The following HTT variants were observed in gnomAD, a reference collection of about 807,000 sequenced individuals.
HTT encodes the protein huntingtin.
A neutral mutation model predicts 362.3 loss-of-function variants in HTT; 104 were observed. The ratio of observed to expected loss-of-function variants is 0.29; its 90% CI spans 0.24 to 0.34. HTT has a LOEUF of 0.34. Among genes scored for constraint, HTT ranks in the 10% least tolerant of loss-of-function variants. The pLI, the probability that HTT is intolerant of heterozygous loss-of-function variation, is 1.00. For synonymous variants in HTT, 1,577 were observed against 1,548.7 expected (o/e 1.02, Z -0.43); for missense variants, 3,301 against 3,928.6 (o/e 0.84, Z 4.27).
intron 64 of HTT, 108 bp from the exon 65 acceptor site, chr4:3,238,339 T>C (rs1721640295): frequency 2.5e-6 from 2 of 795,562 alleles, no homozygotes; most frequent in African/African-American, 3.6e-5. Flanking sequence ...CTCCCAGCCC[T>C]GATTTCACAT....
At chr4:3,123,845 A>G (rs1467830854) in intron 10 of HTT, among the ~76,000 whole-genome samples, 2 of 152,232 alleles carry the variant, frequency 1.3e-5, no homozygotes, top group African/African-American at 4.8e-5. Context: ...GGTACACATT[A>G]TCTTTTGCAA....
intron 2 of HTT, among the ~76,000 whole-genome samples, chr4:3,093,929 T>TTTA (rs869247181): frequency 1.6e-5 from 2 of 128,280 alleles, no homozygotes; most frequent in African/African-American, 3.0e-5. Flanking sequence ...TTTTTTTTTT[T>TTTA]AGTATTTATT....
intron 1 of HTT, among the ~76,000 whole-genome samples, chr4:3,078,736 T>TA (rs1491358886): frequency 8.3e-6 from 1 of 121,008 alleles, no homozygotes; most frequent in Non-Finnish European, 1.7e-5. Context: ...GCCTGGGTAA[T>TA]TTTTTTTTTT....
intron 26 of HTT, 138 bp from the exon 27 acceptor site, chr4:3,154,155 G>T: frequency 1.5e-6 from 1 of 650,482 alleles, no homozygotes; most frequent in East Asian, 2.8e-5. Context: ...TACATATCAG[G>T]GTCCAAGAAC....
chr4:3,092,191 T>G (rs978487507), intron 2 of HTT, among the ~76,000 whole-genome samples: 17 of 151,880 alleles, frequency 1.1e-4, no homozygotes, highest in African/African-American at 3.6e-4. Flanking sequence ...CCCGGCTAAT[T>G]TTTTGTATTT....
At chr4:3,109,883 C>T (rs1463722029) in intron 6 of HTT, among the ~76,000 whole-genome samples, 6 of 151,838 alleles carry the variant, frequency 4.0e-5, no homozygotes, top group South Asian at 2.1e-4. Flanking sequence ...GTGCTGGGGA[C>T]GGGGGGGCCA....
At chr4:3,209,706 G>A (rs938289578) in intron 46 of HTT, 121 bp from the exon 47 acceptor site, 63 of 1,228,898 alleles carry the variant, frequency 5.1e-5, no homozygotes, top group Non-Finnish European at 6.4e-5. Context: ...CCTGCCGGCC[G>A]GCAGCCCTCT....
chr4:3,131,779 T>A lies in HTT; in HGVS notation c.2236+4T>A. 1 of 1,608,780 alleles carries A rather than the reference T, an allele frequency of 6.2e-7. No individual in the cohort carries two copies. Among genetic ancestry groups the A allele is most frequent in the Non-Finnish European group, 8.5e-7 (1 of 1,177,484 alleles). Reference sequence around the variant, plus strand: ...CTTGACACCACGGAATACCCTGGTATGTTAAAAGTTCACATCTTATTTTCT... The same window carrying A: ...CTTGACACCACGGAATACCCTGGTAAGTTAAAAGTTCACATCTTATTTTCT... On this transcript the variant is annotated splice_donor_region_variant and intron_variant, in intron 16 of 66. Coordinates refer to ENST00000355072, the MANE Select transcript of HTT (RefSeq NM_001388492.1).
Position 3,242,129 on chromosome 4 carries a change from C to T in HTT, c.*2070C>T, listed in dbSNP as rs1271262619. On this transcript the variant is annotated 3_prime_UTR_variant, in exon 67 of 67. Coordinates refer to ENST00000355072, the MANE Select transcript of HTT (RefSeq NM_001388492.1). ...GCAGTATCACAGGCCAGATGTTGTT[C>T]CTGGCTAGATGTTTACATTTGTAAG... 6.6e-6 allele frequency: 1 copy of T among 152,140 alleles called. No individual in the cohort carries two copies. Among genetic ancestry groups the T allele is most frequent in the African/African-American group, 2.4e-5 (1 of 41,404 alleles). 9.4% of individuals were successfully genotyped at this position (152,140 alleles called of 1,614,324 possible). A position where few individuals can be genotyped will look rare whatever the true frequency, so the allele number is the denominator to read the frequency against.
chr4:3,084,402 G>T (rs114377182), intron 1 of HTT, among the ~76,000 whole-genome samples: 3,079 of 152,054 alleles, frequency 0.02, 79 homozygotes, highest in African/African-American at 0.059. Context: ...AAAACATCAA[G>T]ATCAGGTCGG....
rs1332655393 is a variant in HTT at position 3,199,988 on chromosome 4, C to T, written c.5576+49C>T. Reference sequence around the variant, plus strand: ...CCAGGGCGCCAGCCCAGCACCCTGTCCTGAGACTCCCAGTAACCTGAGCTT... The same window carrying T: ...CCAGGGCGCCAGCCCAGCACCCTGTTCTGAGACTCCCAGTAACCTGAGCTT... On this transcript the variant is annotated intron_variant, in intron 41 of 66. Transcript: ENST00000355072. 7 of 1,477,802 alleles carry T rather than the reference C, an allele frequency of 4.7e-6. No individual in the cohort carries two copies. In the East Asian group the frequency reaches 9.5e-5, roughly 20 times the overall value. The allele number at this position is 1,477,802 out of a possible 1,614,324, so 91.5% of individuals were successfully genotyped here. A position where few individuals can be genotyped will look rare whatever the true frequency, so the allele number is the denominator to read the frequency against.
At position 3,207,362 on chromosome 4, in the gene HTT, T is replaced by C; in HGVS notation, c.6152+5T>C. The C allele has an allele frequency of 6.2e-7, 1 of 1,609,238 alleles. No individual in the cohort carries two copies. The highest frequency in any genetic ancestry group is 8.5e-7 in the Non-Finnish European group (1 of 1,177,066). ...GAGCAGCGGGCTCGCTCAGAGGTAA[T>C]GCTGGAAACACAGGTCGTCCTTGTG... On this transcript the variant is annotated splice_donor_5th_base_variant and intron_variant, in intron 45 of 66. Transcript: ENST00000355072.
intron 29 of HTT, among the ~76,000 whole-genome samples, chr4:3,166,737 C>T (rs919816777): frequency 6.6e-5 from 10 of 152,238 alleles, no homozygotes; most frequent in South Asian, 2.1e-4. Flanking sequence ...GCGTGGGACC[C>T]GCTGAGCCAG....
chr4:3,127,367 G>GCA lies in HTT; in HGVS notation c.1512_1513dup (p.Leu505HisfsTer14). On this transcript the variant is annotated frameshift_variant, in exon 12 of 67. Coordinates refer to ENST00000355072, the MANE Select transcript of HTT (RefSeq NM_001388492.1). LOFTEE classifies it high-confidence loss of function. ...TCATCACAGAACAGCCACGGTCACAGCACACACTGCAGGCGGACTCAGTGG... is the reference window on the plus strand; with the variant it reads ...TCATCACAGAACAGCCACGGTCACAGCACACACACTGCAGGCGGACTCAGTGG... 1 of 1,614,190 alleles carries GCA rather than the reference G, an allele frequency of 6.2e-7. No individual in the cohort carries two copies. Among genetic ancestry groups the GCA allele is most frequent in the South Asian group, 1.1e-5 (1 of 91,078 alleles).
chr4:3,154,205 A>G (rs1449294329), intron 26 of HTT, 88 bp from the exon 27 acceptor site: 1 of 1,147,060 alleles, frequency 8.7e-7, no homozygotes, highest in Non-Finnish European at 1.2e-6. Context: ...AATAAATGGT[A>G]AAACCAAATA....
intron 25 of HTT, 101 bp downstream of exon 25, chr4:3,147,049 C>T: frequency 1.8e-6 from 2 of 1,142,348 alleles, no homozygotes; most frequent in South Asian, 2.5e-5. Context: ...ACTATAAGGT[C>T]ATTGCCAGTG....
intron 29 of HTT, among the ~76,000 whole-genome samples, chr4:3,161,844 T>G (rs540701474): frequency 6.6e-6 from 1 of 152,366 alleles, no homozygotes; most frequent in South Asian, 2.1e-4. Flanking sequence ...ATGGGTAGAT[T>G]GCAAAAATTT....
rs1399018780 is a variant in HTT, at chr4:3,206,338, C to T, written c.5719-158C>T. ...GGCCTTGGTAAATCGAGTTTCCTAC[C>T]TCCTCAATTATTTGTGCTCATACAC... is the stretch of plus-strand genomic sequence containing the variant. On this transcript the variant is annotated intron_variant, in intron 42 of 66. Coordinates refer to ENST00000355072, the MANE Select transcript of HTT (RefSeq NM_001388492.1). The surrounding 1 kb of genome is among the most constrained non-coding windows in gnomAD (Gnocchi z 4.6). Among the ~76,000 whole-genome samples the T allele has an allele frequency of 1.3e-5, 2 of 152,238 alleles. No individual in the cohort carries two copies. Among genetic ancestry groups the T allele is most frequent in the African/African-American group, 2.4e-5 (1 of 41,468 alleles).
chr4:3,083,919 C>T (rs1369385892), intron 1 of HTT, among the ~76,000 whole-genome samples: 1 of 152,116 alleles, frequency 6.6e-6, no homozygotes, highest in Non-Finnish European at 1.5e-5. Context: ...GGTTAAACTA[C>T]TCAGTAATAA....
Sources: allele counts gnomAD v4.1 joint callset (sites outside exome capture counted in the v4.1 genomes callset), GRCh38; gene constraint gnomAD v4.1.1; non-coding constraint Gnocchi (gnomAD v3.1); transcripts MANE v1.5; gene names NCBI Gene and HGNC (gene_info 2026-07-23, HGNC 2026-07-21).